The following BRPF1 variants were observed in gnomAD, a reference collection of about 807,000 sequenced individuals.
BRPF1 encodes the protein bromodomain and PHD finger containing 1, also known as peregrin.
A neutral mutation model predicts 115.0 loss-of-function variants in BRPF1; 15 were observed. The observed-to-expected ratio is 0.13, with a 90% CI of 0.09 to 0.20. BRPF1 has a LOEUF of 0.20. Ranked by LOEUF, BRPF1 falls within the 10% of genes least tolerant of loss-of-function variation. The pLI, the probability that BRPF1 is intolerant of heterozygous loss-of-function variation, is 1.00. For missense variants in BRPF1, 1,118 were observed against 1,638.3 expected, an observed-to-expected ratio of 0.68 and a Z score of 5.48; for synonymous variants, 647 against 619.8, an observed-to-expected ratio of 1.04 and a Z score of -0.65.
Position 9,743,409 on chromosome 3 carries a change from G to T in BRPF1, c.2311+156G>T. On this transcript the variant is annotated intron_variant, in intron 7 of 13. Transcript: ENST00000383829. The surrounding 1 kb of genome is among the most constrained non-coding windows in gnomAD (Gnocchi z 6.1). ...GAATGCTCCCCAAGAAGCCAGACTGGGTGAATGGATAGCAGTGCCCGCCAT... is the reference window on the plus strand; with the variant it reads ...GAATGCTCCCCAAGAAGCCAGACTGTGTGAATGGATAGCAGTGCCCGCCAT... 1 of 1,228,898 alleles carries T rather than the reference G, an allele frequency of 8.1e-7. No individual in the cohort carries two copies. The highest frequency in any genetic ancestry group is 1.5e-5 in the South Asian group (1 of 65,160). 76.1% of individuals were successfully genotyped at this position (1,228,898 alleles called of 1,614,324 possible).
In BRPF1 at chr3:9,743,832, G is replaced by A; in HGVS notation, c.2566G>A (p.Ala856Thr). Residue 856 changes from alanine (A) to threonine (T), a missense_variant, in exon 8 of 14, where the codon GCA becomes ACA. Transcript: ENST00000383829. The surrounding 1 kb of genome is among the most constrained non-coding windows in gnomAD (Gnocchi z 6.1). ...CCGGGGTAGTCTGACACCCCACCCG[G>A]CAGCCTGTGACAAGGATGGGCAGAC... ...SSRGSLTPHP[A>T]ACDKDGQTDS... is the part of the protein sequence containing the mutation. 1 of 1,607,668 alleles carries A rather than the reference G, an allele frequency of 6.2e-7. No individual in the cohort carries two copies. The highest frequency in any genetic ancestry group is 1.1e-5 in the South Asian group (1 of 90,824).
Position 9,734,386 on chromosome 3 carries a change from A to G in BRPF1, c.246A>G (p.Ser82=). Residue 82 remains serine (S), a synonymous_variant, in exon 2 of 14, where the codon TCA becomes TCG. Transcript: ENST00000383829. This position sits in a 1 kb window ranked among gnomAD's most constrained non-coding sequence, Gnocchi z 5.7. ...NKQSPSPSEV[S]QSPGREVMSY... is the part of the protein sequence containing the mutation. Reference sequence around the variant, plus strand: ...AGTCACCCAGCCCCTCAGAGGTCTCACAGTCACCAGGCCGTGAGGTGATGA... The same window carrying G: ...AGTCACCCAGCCCCTCAGAGGTCTCGCAGTCACCAGGCCGTGAGGTGATGA... The G allele has an allele frequency of 6.2e-7, 1 of 1,613,942 alleles. No homozygotes were observed. Among genetic ancestry groups the G allele is most frequent in the East Asian group, 2.2e-5 (1 of 44,864 alleles).
Position 9,745,841 on chromosome 3 carries a change from G to A in BRPF1, c.3235G>A (p.Gly1079Ser), listed in dbSNP as rs1317091849. ...AAGGAAGAGTCTGGGCCGGGGAGCTGGCTGGCTGTCAGAGGATGAGGACTC... is the reference window on the plus strand; with the variant it reads ...AAGGAAGAGTCTGGGCCGGGGAGCTAGCTGGCTGTCAGAGGATGAGGACTC... ...MVRKSLGRGA[G>S]WLSEDEDSPL... is the part of the protein sequence containing the mutation. Residue 1079 changes from glycine to serine, a missense_variant, in exon 12 of 14, where the codon GGC (glycine) becomes AGC (serine). Physicochemically the swap from Gly to Ser is moderately conservative, Grantham distance 56. Transcript: ENST00000383829. The surrounding 1 kb of genome is among the most constrained non-coding windows in gnomAD (Gnocchi z 5.1). 2 of 1,614,024 alleles carry A rather than the reference G, an allele frequency of 1.2e-6. No homozygotes were observed. Among genetic ancestry groups the A allele is most frequent in the Non-Finnish European group, 1.7e-6 (2 of 1,180,026 alleles).
At position 9,734,015 on chromosome 3, in the gene BRPF1, G is replaced by A. The variant is rs372700895; in HGVS notation, c.-10-116G>A. On this transcript the variant is annotated intron_variant, in intron 1 of 13. Transcript: ENST00000383829. This position sits in a 1 kb window ranked among gnomAD's most constrained non-coding sequence, Gnocchi z 5.7. ...GCATTTGGAGACACTGTAGAGGTAG[G>A]CTGGCCAGAATCTGGTGACTCCAAG... 1.2e-3 allele frequency: 1,734 copies of A among 1,485,412 alleles called. 26 individuals are homozygous for A. In the South Asian group the frequency reaches 0.014, roughly 12 times the overall value. 92.0% of individuals were successfully genotyped at this position (1,485,412 alleles called of 1,614,324 possible). A position where few individuals can be genotyped will look rare whatever the true frequency, so the allele number is the denominator to read the frequency against.
chr3:9,739,698 C>T lies in BRPF1; in HGVS notation c.1299C>T (p.Gly433=). 2 of 1,613,508 alleles carry T rather than the reference C, an allele frequency of 1.2e-6. No homozygotes were observed. Among genetic ancestry groups the T allele is most frequent in the Non-Finnish European group, 1.7e-6 (2 of 1,179,404 alleles). The change falls in exon 3 of 14, where the codon GGC becomes GGT. Residue 433 remains glycine, a synonymous_variant. Transcript: ENST00000383829. ...CTGTGCGGGAGACAGGCGCCAACGG[C>T]ACCTCTTTCAGTGTCCGCAAGACAG... ...MEPVRETGAN[G]TSFSVRKTAY... is the part of the protein sequence containing the mutation.
Position 9,745,639 on chromosome 3 carries a change from C to T in BRPF1, c.3135C>T (p.Ser1045=). The change falls in exon 11 of 14, where the codon AGC becomes AGT. Residue 1045 remains serine, a synonymous_variant. Transcript: ENST00000383829. This position sits in a 1 kb window ranked among gnomAD's most constrained non-coding sequence, Gnocchi z 5.1. ...SFSRGTFPED[S]SEDTSGTENE... is the part of the protein sequence containing the mutation. Reference sequence around the variant, plus strand: ...CTCGGGGCACTTTCCCAGAGGACAGCAGTGAGGATACCTCAGGCACTGAGA... The same window carrying T: ...CTCGGGGCACTTTCCCAGAGGACAGTAGTGAGGATACCTCAGGCACTGAGA... 2 of 1,614,250 alleles carry T rather than the reference C, an allele frequency of 1.2e-6. No homozygotes were observed. The highest frequency in any genetic ancestry group is 1.7e-6 in the Non-Finnish European group (2 of 1,180,046).
intron 6 of BRPF1, chr3:9,742,498 T>C (rs2077048064): frequency 3.0e-6 from 3 of 985,286 alleles, no homozygotes; most frequent in Non-Finnish European, 2.4e-6. Context: ...AAGAACCAGC[T>C]CTGAAGCCCT....
chr3:9,744,029 C>G (rs2077078858), intron 8 of BRPF1, 128 bp downstream of exon 8: 1 of 1,315,302 alleles, frequency 7.6e-7, no homozygotes, highest in African/African-American at 1.5e-5. Context: ...CTCCCTCATT[C>G]CCCAATCAGG....
At chr3:9,733,208 A>G (rs537921484) in intron 1 of BRPF1, 11 of 152,328 alleles carry the variant, frequency 7.2e-5, no homozygotes, top group East Asian at 3.9e-4. Context: ...CAGGCTCCCC[A>G]TAAAGACCTC....
rs142436603 is a variant in BRPF1 at position 9,734,649 on chromosome 3, C to T, written c.509C>T (p.Ala170Val). 5.0e-5 allele frequency: 80 copies of T among 1,614,008 alleles called. No individual in the cohort carries two copies. Among genetic ancestry groups the T allele is most frequent in the African/African-American group, 9.3e-5 (7 of 74,882 alleles). ...SNHHHHHNVS[A>V]STTPKLPEVV... ...CATCACCACCACCACAATGTTTCTG[C>T]GAGCACCACTCCCAAGCTGCCAGAG... is the stretch of plus-strand genomic sequence containing the variant. Residue 170 changes from alanine to valine, a missense_variant, in exon 2 of 14, where the codon GCG becomes GTG. Physicochemically the swap from Ala to Val is moderately conservative, Grantham distance 64 (BLOSUM62 0). Around this residue, in one of 10 missense-constraint regions of BRPF1, gnomAD observed 280 missense variants for 382.8 expected, o/e 0.73. Transcript: ENST00000383829. The surrounding 1 kb of genome is among the most constrained non-coding windows in gnomAD (Gnocchi z 5.7).
intron 6 of BRPF1, 190 bp downstream of exon 6, chr3:9,742,361 T>C (rs1348942182): frequency 1.1e-5 from 11 of 985,298 alleles, no homozygotes; most frequent in Non-Finnish European, 1.3e-5. Flanking sequence ...GGGCCCAGAA[T>C]GGGAGGCAGT....
intron 2 of BRPF1, among the ~76,000 whole-genome samples, chr3:9,735,258 C>G (rs2076921039): frequency 6.6e-6 from 1 of 152,114 alleles, no homozygotes; most frequent in Admixed American, 6.6e-5. Flanking sequence ...AGTGATCCAC[C>G]CACCTCAGCC....
At chr3:9,744,075 A>G in intron 8 of BRPF1, 149 bp from the exon 9 acceptor site, 1 of 1,279,038 alleles carries the variant, frequency 7.8e-7, no homozygotes, top group Non-Finnish European at 1.1e-6. Context: ...TTTGTATAAG[A>G]GTTAATCTTC....
intron 1 of BRPF1, among the ~76,000 whole-genome samples, chr3:9,733,005 C>T (rs980445478): frequency 6.6e-6 from 1 of 152,126 alleles, no homozygotes; most frequent in Non-Finnish European, 1.5e-5. Context: ...AGGGCCCCTG[C>T]GGACCAGCAT....
rs754915176 is a variant in BRPF1, at chr3:9,744,236, A to G, written c.2648A>G (p.Asn883Ser). The G allele has an allele frequency of 7.1e-6, 11 of 1,541,992 alleles. No individual in the cohort carries two copies. The highest frequency in any genetic ancestry group is 2.1e-5 in the Admixed American group (1 of 47,026). The change falls in exon 9 of 14, where the codon AAC becomes AGC. Residue 883 changes from asparagine to serine, a missense_variant. By Grantham distance (46) the Asn-to-Ser change is conservative (BLOSUM62 1). Coordinates refer to ENST00000383829, the MANE Select transcript of BRPF1 (RefSeq NM_001003694.2). ...SQETSKGLGPNMSSTPAHEVG... is the reference protein window; with the variant it reads ...SQETSKGLGPSMSSTPAHEVG... ...TTCTCTGCTCCAGGCCTGGGTCCCA[A>G]CATGTCCTCAACCCCCGCACATGAG...
rs1276817235 is a variant in BRPF1 at position 9,734,744 on chromosome 3, G to C, written c.599+5G>C. The C allele has an allele frequency of 6.2e-7, 1 of 1,613,412 alleles. No homozygotes were observed. Among genetic ancestry groups the C allele is most frequent in the Non-Finnish European group, 8.5e-7 (1 of 1,179,620 alleles). ...CCGGCCAACTTCCTATTACCGGTAA[G>C]GCCACCTCTACCTTGCAGCTCTGGA... On this transcript the variant is annotated splice_donor_5th_base_variant and intron_variant, in intron 2 of 13. Transcript: ENST00000383829. This position sits in a 1 kb window ranked among gnomAD's most constrained non-coding sequence, Gnocchi z 5.7.
chr3:9,736,693 T>C (rs1345039273), intron 2 of BRPF1, among the ~76,000 whole-genome samples: 1 of 152,266 alleles, frequency 6.6e-6, no homozygotes, highest in African/African-American at 2.4e-5. Context: ...GCAGGTACAC[T>C]GCAAACAACT....
At position 9,747,073 on chromosome 3, in the gene BRPF1, G is replaced by A; in HGVS notation, c.3480-93G>A. On this transcript the variant is annotated intron_variant, in intron 13 of 13. Coordinates refer to ENST00000383829, the MANE Select transcript of BRPF1 (RefSeq NM_001003694.2). The surrounding 1 kb of genome is among the most constrained non-coding windows in gnomAD (Gnocchi z 5.6). ...ACCATCACAGAGTCTGGCCAGAGTG[G>A]GTGCTTGGGTGGTGTGTTTGAGTGA... 7.1e-7 allele frequency: 1 copy of A among 1,399,946 alleles called. No homozygotes were observed. The allele number at this position is 1,399,946 out of a possible 1,614,324, so 86.7% of individuals were successfully genotyped here.
chr3:9,743,473 T>G lies in BRPF1; in HGVS notation c.2312-105T>G. 1 of 1,349,716 alleles carries G rather than the reference T, an allele frequency of 7.4e-7. No individual in the cohort carries two copies. The highest frequency in any genetic ancestry group is 1.0e-6 in the Non-Finnish European group (1 of 979,468). 83.6% of individuals were successfully genotyped at this position (1,349,716 alleles called of 1,614,324 possible). ...GCTGCTATTTTACAGCTGTTCCTGG[T>G]GAGAAGCCCAGGGGGGATGAGTGGG... is the stretch of plus-strand genomic sequence containing the variant. On this transcript the variant is annotated intron_variant, in intron 7 of 13. Coordinates refer to ENST00000383829, the MANE Select transcript of BRPF1 (RefSeq NM_001003694.2). This position sits in a 1 kb window ranked among gnomAD's most constrained non-coding sequence, Gnocchi z 6.1.
Sources: allele counts gnomAD v4.1 joint callset (sites outside exome capture counted in the v4.1 genomes callset), GRCh38; gene constraint gnomAD v4.1.1; regional missense constraint gnomAD v4.1.1; non-coding constraint Gnocchi (gnomAD v3.1); transcripts MANE v1.5; gene names NCBI Gene and HGNC (gene_info 2026-07-23, HGNC 2026-07-21).